Variants in TLL1 observed in about 807,000 individuals in gnomAD.
TLL1 encodes the protein tolloid like 1.
Under a neutral mutation model 128.2 loss-of-function variants are expected in TLL1, and 49 were observed. The observed-to-expected ratio is 0.38, with a 90% CI of 0.30 to 0.48. The LOEUF (loss-of-function observed/expected upper bound fraction) is 0.48, where lower values mean the gene tolerates loss of function less well. TLL1 is among the 20% of genes least tolerant of loss of function. The pLI, the probability that TLL1 is intolerant of heterozygous loss-of-function variation, is 0.96. For synonymous variants in TLL1, 454 were observed against 418.8 expected (o/e 1.08, Z -1.03); for missense variants, 1,123 against 1,242.0 (o/e 0.90, Z 1.44).
At chr4:165,963,746 G>A (rs910497810) in intron 1 of TLL1, among the ~76,000 whole-genome samples, 5 of 151,672 alleles carry the variant, frequency 3.3e-5, no homozygotes, top group African/African-American at 1.2e-4. Flanking sequence ...TCGCCTGGTA[G>A]GATAGAAGAG....
At chr4:165,946,598 C>T (rs1389953410) in intron 1 of TLL1, among the ~76,000 whole-genome samples, 6 of 150,648 alleles carry the variant, frequency 4.0e-5, no homozygotes, top group Non-Finnish European at 8.8e-5. Flanking sequence ...TCTCATTCAA[C>T]CAAAGTGCTC....
rs116346016 is a variant in TLL1, at chr4:165,922,368, G to A, written c.169+48295G>A. ...GTGGTTTAGAAAGCTCAATATTTCC[G>A]TAGCTATGGTTTGCCATCCTGTTAT... On this transcript the variant is annotated intron_variant, in intron 1 of 20. Coordinates refer to ENST00000061240, the MANE Select transcript of TLL1 (RefSeq NM_012464.5). Among the ~76,000 whole-genome samples, 1,108 of 152,262 alleles carry A rather than the reference G, an allele frequency of 7.3e-3. 24 individuals are homozygous for A. The highest frequency in any genetic ancestry group is 0.026 in the African/African-American group (1,071 of 41,534).
chr4:166,016,937 T>A (rs1176979585), intron 8 of TLL1, among the ~76,000 whole-genome samples: 1 of 152,010 alleles, frequency 6.6e-6, no homozygotes, highest in African/African-American at 2.4e-5. Flanking sequence ...GGCCTTTTTT[T>A]AAACTTTTAT....
chr4:166,000,358 T>C (rs536662792), intron 5 of TLL1, among the ~76,000 whole-genome samples: 1 of 152,324 alleles, frequency 6.6e-6, no homozygotes, highest in East Asian at 1.9e-4. Context: ...AGACCTTTAA[T>C]TAGTTGGGGA....
chr4:165,950,200 C>A (rs1734445754), intron 1 of TLL1, among the ~76,000 whole-genome samples: 1 of 152,054 alleles, frequency 6.6e-6, no homozygotes, highest in African/African-American at 2.4e-5. Context: ...TAAAAAGTGT[C>A]AACTTAGCAA....
At chr4:165,967,720 G>A (rs1735454189) in intron 1 of TLL1, among the ~76,000 whole-genome samples, 1 of 152,142 alleles carries the variant, frequency 6.6e-6, no homozygotes, top group African/African-American at 2.4e-5. Context: ...ATGCTGACAG[G>A]AACATTAGAA....
rs1739868393 is a variant in TLL1, at chr4:166,053,735, A to G, written c.1525-1341A>G. 2.6e-5 allele frequency among the ~76,000 whole-genome samples: 4 copies of G among 152,298 alleles called. No individual in the cohort carries two copies. The South Asian group carries it at 6.2e-4, about 24-fold the overall frequency. On this transcript the variant is annotated intron_variant, in intron 12 of 20. Coordinates refer to ENST00000061240, the MANE Select transcript of TLL1 (RefSeq NM_012464.5). ...CCCGATATTCCTTGACATTCTACGTATTCCTTAACACTAGTAACAGAGTTC... is the reference window on the plus strand; with the variant it reads ...CCCGATATTCCTTGACATTCTACGTGTTCCTTAACACTAGTAACAGAGTTC...
chr4:166,072,371 T>C (rs918449557), intron 16 of TLL1, among the ~76,000 whole-genome samples: 2 of 151,836 alleles, frequency 1.3e-5, no homozygotes, highest in African/African-American at 4.8e-5. Context: ...TTATACTTGT[T>C]CTCTTTCTTT....
At chr4:165,887,297 T>A (rs1404082974) in intron 1 of TLL1, among the ~76,000 whole-genome samples, 1 of 151,974 alleles carries the variant, frequency 6.6e-6, no homozygotes, top group African/African-American at 2.4e-5. Flanking sequence ...TAGGTTATAG[T>A]AGAAGTAGAG....
chr4:165,952,493 T>A (rs1489159813), intron 1 of TLL1, among the ~76,000 whole-genome samples: 1 of 152,144 alleles, frequency 6.6e-6, no homozygotes, highest in Non-Finnish European at 1.5e-5. Flanking sequence ...TAGTGGGTTT[T>A]AAATATTGAT....
At chr4:165,952,920 T>C (rs1044229056) in intron 1 of TLL1, among the ~76,000 whole-genome samples, 1 of 152,154 alleles carries the variant, frequency 6.6e-6, no homozygotes. Context: ...AGGTGTTATA[T>C]AGATTTCATT....
Position 166,054,331 on chromosome 4 carries a change from C to G in TLL1, c.1525-745C>G, listed in dbSNP as rs188614098. 3.3e-5 allele frequency among the ~76,000 whole-genome samples: 5 copies of G among 152,194 alleles called. 1 individual carries two copies. Among genetic ancestry groups the G allele is most frequent in the African/African-American group, 1.2e-4 (5 of 41,548 alleles). ...TTTCGTTTCAAAAAGAGATTTATAA[C>G]CAAAAATAGTGCTACATTTGTTCAG... On this transcript the variant is annotated intron_variant, in intron 12 of 20. Coordinates refer to ENST00000061240, the MANE Select transcript of TLL1 (RefSeq NM_012464.5).
intron 1 of TLL1, among the ~76,000 whole-genome samples, chr4:165,934,440 A>G (rs1210809814): frequency 6.6e-6 from 1 of 152,196 alleles, no homozygotes; most frequent in African/African-American, 2.4e-5. Context: ...TAAACTGACT[A>G]CATTTATCCT....
intron 11 of TLL1, among the ~76,000 whole-genome samples, chr4:166,042,774 G>C (rs543999320): frequency 6.6e-6 from 1 of 152,288 alleles, no homozygotes; most frequent in South Asian, 2.1e-4. Context: ...TAAGTAAACG[G>C]AAGCATTTTG....
rs565287020 is a variant in TLL1 at position 166,016,455 on chromosome 4, G to A, written c.1042+1895G>A. 8.8e-4 allele frequency among the ~76,000 whole-genome samples: 134 copies of A among 152,088 alleles called. 1 individual carries two copies. The highest frequency in any genetic ancestry group is 3.1e-3 in the African/African-American group (127 of 41,520). ...GGTTTGTATGCACACTGAACTGTAGGAAAGTCAGGAAGAATAAAAAACTAA... is the reference window on the plus strand; with the variant it reads ...GGTTTGTATGCACACTGAACTGTAGAAAAGTCAGGAAGAATAAAAAACTAA... On this transcript the variant is annotated intron_variant, in intron 8 of 20. Transcript: ENST00000061240.
intron 1 of TLL1, among the ~76,000 whole-genome samples, chr4:165,923,420 C>CATTTTTTTTTTTT: frequency 1.2e-5 from 1 of 83,046 alleles, no homozygotes; most frequent in African/African-American, 4.7e-5. Flanking sequence ...TATAGGTATA[C>CATTTTTTTTTTTT]CTTTTTTTTT....
intron 5 of TLL1, among the ~76,000 whole-genome samples, chr4:165,997,921 G>A (rs1418581665): frequency 1.3e-5 from 2 of 152,018 alleles, no homozygotes; most frequent in Non-Finnish European, 1.5e-5. Flanking sequence ...CCTTATATTG[G>A]TAAAAGGTTT....
intron 15 of TLL1, 118 bp from the exon 16 acceptor site, chr4:166,065,565 A>T (rs1179706922): frequency 9.4e-7 from 1 of 1,064,272 alleles, no homozygotes; most frequent in Non-Finnish European, 1.4e-6. Context: ...CTTACCTGTT[A>T]GTTCTAGTTT....
At chr4:165,925,722 A>G (rs2110896106) in intron 1 of TLL1, among the ~76,000 whole-genome samples, 1 of 152,340 alleles carries the variant, frequency 6.6e-6, no homozygotes, top group South Asian at 2.1e-4. Flanking sequence ...ACAGAATAGC[A>G]TGATACAGAG....
Sources: gnomAD v4.1 joint callset for allele counts (sites outside exome capture counted in the v4.1 genomes callset) on GRCh38, gnomAD v4.1.1 for gene constraint, MANE v1.5 for transcripts, NCBI Gene and HGNC (gene_info 2026-07-23, HGNC 2026-07-21) for gene names.